Variants in IL31RA observed in about 807,000 individuals in gnomAD.
The protein encoded by IL31RA is interleukin-31 receptor subunit alpha.
A neutral mutation model predicts 83.7 loss-of-function variants in IL31RA; 66 were observed. The observed-to-expected ratio is 0.79, with a 90% CI of 0.65 to 0.97. IL31RA has a LOEUF of 0.97. IL31RA is among the 50% of genes least tolerant of loss of function. The probability of loss-of-function intolerance (pLI) is 0.00; values close to 1 mark genes in which losing one functional copy is unlikely to be tolerated. For missense variants in IL31RA, 798 were observed against 919.4 expected (o/e 0.87, Z 1.71); for synonymous variants, 325 against 329.0 (o/e 0.99, Z 0.13).
At chr5:55,910,375 A>G (rs1261313505) in intron 11 of IL31RA, among the ~76,000 whole-genome samples, 157 bp from the exon 12 acceptor site, 1 of 152,138 alleles carries the variant, frequency 6.6e-6, no homozygotes, top group Non-Finnish European at 1.5e-5. Context: ...GAGGTCCTTA[A>G]TCCATCTTGA....
intron 6 of IL31RA, among the ~76,000 whole-genome samples, chr5:55,895,938 T>C (rs1002156883): frequency 8.5e-5 from 13 of 152,218 alleles, no homozygotes; most frequent in African/African-American, 3.1e-4. Flanking sequence ...TTTTATTTTT[T>C]TGGAAGTAGA....
At position 55,908,399 on chromosome 5, in the gene IL31RA, G is replaced by A. The variant is rs771896548; in HGVS notation, c.1489G>A (p.Gly497Arg). 6.2e-7 allele frequency: 1 copy of A among 1,614,160 alleles called. No homozygotes were observed. The highest frequency in any genetic ancestry group is 8.5e-7 in the Non-Finnish European group (1 of 1,180,040). Residue 497 changes from glycine (G) to arginine (R), a missense_variant, in exon 11 of 15, where the codon GGA becomes AGA. By Grantham distance (125) the Gly-to-Arg change is moderately radical. Transcript: ENST00000652347. ...CACCATCTTTTACCAAGCTGAAGGT[G>A]GAAAAGGATTCTGTAAGCACGCCCA... ...NYTIFYQAEG[G>R]KGFSKTVNSS...
At position 55,910,718 on chromosome 5, in the gene IL31RA, C is replaced by T. The variant is rs779052435; in HGVS notation, c.1642+46C>T. 12 of 1,603,992 alleles carry T rather than the reference C, an allele frequency of 7.5e-6. No individual in the cohort carries two copies. The East Asian group carries it at 2.2e-4, about 30-fold the overall frequency. ...TTAGGTACCTCTCCCTCACGTTTAC[C>T]TTACATCAGAGAGAAATGACATCTG... On this transcript the variant is annotated intron_variant, in intron 12 of 14. Coordinates refer to ENST00000652347, the MANE Select transcript of IL31RA (RefSeq NM_139017.7).
At chr5:55,871,007 C>T (rs1746473136) in intron 3 of IL31RA, among the ~76,000 whole-genome samples, 1 of 152,230 alleles carries the variant, frequency 6.6e-6, no homozygotes, top group Non-Finnish European at 1.5e-5. Flanking sequence ...TAACAGCTCA[C>T]ATTTATTGAC....
chr5:55,913,535 T>A lies in IL31RA; in HGVS notation c.1701T>A (p.Ile567=). ...SLIGGGLLIL[I]ILTVAYGLKK... ...TTGGTGGAGGCCTTCTTATTCTCAT[T>A]ATCCTGACAGTGGCATATGGTCTCA... The change falls in exon 13 of 15, where the codon ATT becomes ATA. Residue 567 remains isoleucine, a synonymous_variant. Coordinates refer to ENST00000652347, the MANE Select transcript of IL31RA (RefSeq NM_139017.7). 1 of 1,613,550 alleles carries A rather than the reference T, an allele frequency of 6.2e-7. No homozygotes were observed. The highest frequency in any genetic ancestry group is 8.5e-7 in the Non-Finnish European group (1 of 1,179,440).
chr5:55,906,933 C>T (rs1313142747), intron 9 of IL31RA, among the ~76,000 whole-genome samples: 2 of 152,074 alleles, frequency 1.3e-5, no homozygotes, highest in Non-Finnish European at 2.9e-5. Context: ...TTTCTTAATG[C>T]TTCAAACATC....
intron 12 of IL31RA, among the ~76,000 whole-genome samples, chr5:55,912,916 A>G (rs546744231): frequency 4.1e-4 from 62 of 151,784 alleles, no homozygotes; most frequent in Non-Finnish European, 7.8e-4. Context: ...ACAGTGAGCT[A>G]TGATCATGCC....
At chr5:55,885,213 C>T (rs1747508325) in intron 5 of IL31RA, among the ~76,000 whole-genome samples, 2 of 152,112 alleles carry the variant, frequency 1.3e-5, no homozygotes, top group Admixed American at 1.3e-4. Flanking sequence ...CCCATAGACA[C>T]CCTGTTTACT....
intron 1 of IL31RA, among the ~76,000 whole-genome samples, chr5:55,857,307 C>T (rs1409549470): frequency 6.6e-6 from 1 of 152,024 alleles, no homozygotes; most frequent in African/African-American, 2.4e-5. Flanking sequence ...CACCATGTTG[C>T]TCAGGCTGGT....
intron 8 of IL31RA, among the ~76,000 whole-genome samples, chr5:55,904,051 C>A (rs1462711615): frequency 6.6e-6 from 1 of 152,216 alleles, no homozygotes; most frequent in African/African-American, 2.4e-5. Flanking sequence ...ACATGGCTAG[C>A]TTCTTGTGTG....
upstream of IL31RA, among the ~76,000 whole-genome samples, chr5:55,847,623 AC>A (rs1192467424): frequency 6.6e-6 from 1 of 152,086 alleles, no homozygotes; most frequent in Non-Finnish European, 1.5e-5. Flanking sequence ...GTTCCTGAAT[AC>A]CCCTTACTGT....
chr5:55,858,460 A>G (rs1394214922), intron 1 of IL31RA, among the ~76,000 whole-genome samples: 1 of 152,170 alleles, frequency 6.6e-6, no homozygotes, highest in African/African-American at 2.4e-5. Context: ...CCTTTGAGTT[A>G]TATACCCATT....
intron 4 of IL31RA, among the ~76,000 whole-genome samples, chr5:55,881,256 C>T (rs909703276): frequency 1.3e-5 from 2 of 150,726 alleles, no homozygotes; most frequent in Non-Finnish European, 2.9e-5. Flanking sequence ...GAGCCGAGAT[C>T]GCGCCACTGC....
intron 5 of IL31RA, among the ~76,000 whole-genome samples, chr5:55,886,242 A>AGC (rs1747593684): frequency 7.3e-6 from 1 of 136,452 alleles, no homozygotes; most frequent in Admixed American, 7.3e-5. Context: ...CTCTCTCCTT[A>AGC]GCTAGCTTGC....
chr5:55,872,485 A>G (rs766685779), intron 4 of IL31RA, 34 bp downstream of exon 4: 4 of 1,411,974 alleles, frequency 2.8e-6, no homozygotes, highest in Admixed American at 3.5e-5. Flanking sequence ...TATACTCTTT[A>G]TTAAATGTTT....
the IL31RA span, among the ~76,000 whole-genome samples, chr5:55,845,449 T>C: frequency 3.5e-5 from 2 of 57,630 alleles, no homozygotes; most frequent in African/African-American, 1.6e-4. Flanking sequence ...GCAGGTGATA[T>C]GGTTTGGCTG....
At chr5:55,855,296 A>G (rs899423507) in intron 1 of IL31RA, among the ~76,000 whole-genome samples, 7 of 148,752 alleles carry the variant, frequency 4.7e-5, no homozygotes, top group African/African-American at 1.7e-4. Flanking sequence ...GGTGTGCACC[A>G]TGACACTCAG....
chr5:55,873,018 T>C (rs1746626848), intron 4 of IL31RA, among the ~76,000 whole-genome samples: 2 of 152,184 alleles, frequency 1.3e-5, no homozygotes, highest in African/African-American at 4.8e-5. Context: ...TTTCAGAACA[T>C]TTTTATTGCC....
intron 14 of IL31RA, among the ~76,000 whole-genome samples, chr5:55,915,391 TG>T (rs536729727): frequency 1.7e-3 from 264 of 152,304 alleles, no homozygotes; most frequent in Non-Finnish European, 3.1e-3. Flanking sequence ...TTTCTCAGGC[TG>T]GGGACGTCAG....
Sources: gnomAD v4.1 joint callset for allele counts (sites outside exome capture counted in the v4.1 genomes callset) on GRCh38, gnomAD v4.1.1 for gene constraint, MANE v1.5 for transcripts, NCBI Gene and HGNC (gene_info 2026-07-23, HGNC 2026-07-21) for gene names.